The following IL21R variants were observed in gnomAD, a reference collection of about 807,000 sequenced individuals.
IL21R encodes the protein interleukin-21 receptor.
Under a neutral mutation model 41.3 loss-of-function variants are expected in IL21R, and 14 were observed. The ratio of observed to expected loss-of-function variants is 0.34; its 90% confidence interval spans 0.22 to 0.53. IL21R has a LOEUF of 0.53. IL21R is among the 20% of genes least tolerant of loss of function. The probability of loss-of-function intolerance (pLI) is 0.94; values close to 1 mark genes in which losing one functional copy is unlikely to be tolerated. For synonymous variants in IL21R, 286 were observed against 287.6 expected, an observed-to-expected ratio of 0.99 and a Z score of 0.05; for missense variants, 588 against 681.6, an observed-to-expected ratio of 0.86 and a Z score of 1.53.
chr16:27,442,858 T>C, intron 4 of IL21R, 104 bp from the exon 5 acceptor site: 1 of 1,085,826 alleles, frequency 9.2e-7, no homozygotes, highest in Non-Finnish European at 1.3e-6. Flanking sequence ...GGGTCAGGCA[T>C]GGAGGCAGGG....
chr16:27,404,018 C>T (rs2086701894), intron 1 of IL21R, among the ~76,000 whole-genome samples: 1 of 152,182 alleles, frequency 6.6e-6, no homozygotes, highest in Non-Finnish European at 1.5e-5. Flanking sequence ...TAGGACAAGG[C>T]CACCACCTGC....
In IL21R at chr16:27,449,874, C is replaced by T. The variant is rs116214834; in HGVS notation, c.*591C>T. 4.3e-3 allele frequency: 1,007 copies of T among 233,144 alleles called. 14 individuals are homozygous for T. The highest frequency in any genetic ancestry group is 0.021 in the African/African-American group (967 of 45,422). The allele number at this position is 233,144 out of a possible 1,614,324, so 14.4% of individuals were successfully genotyped here. A position where few individuals can be genotyped will look rare whatever the true frequency, so the allele number is the denominator to read the frequency against. On this transcript the variant is annotated 3_prime_UTR_variant, in exon 9 of 9. Coordinates refer to ENST00000337929, the MANE Select transcript of IL21R (RefSeq NM_181078.3). ...ACCTCGGGAATGGCAATTTTTTGGGCGGCCCCTGGACGAAGGTCTGAATCC... is the reference window on the plus strand; with the variant it reads ...ACCTCGGGAATGGCAATTTTTTGGGTGGCCCCTGGACGAAGGTCTGAATCC...
At chr16:27,430,005 G>A (rs1337748656) in intron 1 of IL21R, 51 bp from the exon 2 acceptor site, 34 of 1,504,288 alleles carry the variant, frequency 2.3e-5, no homozygotes, top group Middle Eastern at 1.7e-4. Flanking sequence ...GGGGGAGGCC[G>A]GGGGAGCCCT....
At chr16:27,432,269 C>G (rs2087187373) in intron 2 of IL21R, among the ~76,000 whole-genome samples, 1 of 152,228 alleles carries the variant, frequency 6.6e-6, no homozygotes, top group Non-Finnish European at 1.5e-5. Context: ...ATCTCAACAC[C>G]TCAACAGCCT....
chr16:27,428,812 G>A (rs2087120074), intron 1 of IL21R, among the ~76,000 whole-genome samples: 1 of 152,204 alleles, frequency 6.6e-6, no homozygotes, highest in African/African-American at 2.4e-5. Flanking sequence ...CTCCCGAGTG[G>A]GCTAATCTGG....
chr16:27,419,708 G>T (rs765942206), intron 1 of IL21R, among the ~76,000 whole-genome samples: 1 of 152,012 alleles, frequency 6.6e-6, no homozygotes, highest in Non-Finnish European at 1.5e-5. Flanking sequence ...GATTACAGGC[G>T]TAAGCCACTG....
chr16:27,442,647 C>G (rs2087410142), intron 4 of IL21R: 1 of 183,002 alleles, frequency 5.5e-6, no homozygotes, highest in Admixed American at 6.2e-5. Flanking sequence ...CAGGCATGAG[C>G]CACTGCACCC....
At chr16:27,410,684 A>G (rs1567355595) in intron 1 of IL21R, among the ~76,000 whole-genome samples, 1 of 152,216 alleles carries the variant, frequency 6.6e-6, no homozygotes, top group Non-Finnish European at 1.5e-5. Flanking sequence ...ATTAACCAGT[A>G]GATCTTTTTT....
At chr16:27,410,619 A>T (rs1466625619) in intron 1 of IL21R, among the ~76,000 whole-genome samples, 2 of 152,152 alleles carry the variant, frequency 1.3e-5, no homozygotes, top group African/African-American at 4.8e-5. Context: ...TCCTTTGCTA[A>T]TCTAACAAGA....
intron 4 of IL21R, among the ~76,000 whole-genome samples, chr16:27,439,854 C>T (rs945446490): frequency 6.6e-6 from 1 of 152,094 alleles, no homozygotes; most frequent in Non-Finnish European, 1.5e-5. Context: ...CCCTGGGCCT[C>T]GCTGGGCTGA....
Position 27,450,165 on chromosome 16 carries a change from G to A in IL21R, c.*882G>A, listed in dbSNP as rs1596602295. The A allele has an allele frequency of 8.6e-6, 2 of 233,008 alleles. No individual in the cohort carries two copies. The highest frequency in any genetic ancestry group is 1.7e-5 in the Non-Finnish European group (2 of 117,872). The allele number at this position is 233,008 out of a possible 1,614,324, so 14.4% of individuals were successfully genotyped here. A position where few individuals can be genotyped will look rare whatever the true frequency, so the allele number is the denominator to read the frequency against. ...CGCGGGGCCGTCCCGCCTGCAGAGGGCCACTCGGGGGGGTTTCCAGGCTTA... is the reference window on the plus strand; with the variant it reads ...CGCGGGGCCGTCCCGCCTGCAGAGGACCACTCGGGGGGGTTTCCAGGCTTA... On this transcript the variant is annotated 3_prime_UTR_variant, in exon 9 of 9. Transcript: ENST00000337929.
At chr16:27,444,979 A>T (rs2087453050) in intron 6 of IL21R, among the ~76,000 whole-genome samples, 198 bp from the exon 7 acceptor site, 1 of 152,232 alleles carries the variant, frequency 6.6e-6, no homozygotes, top group South Asian at 2.1e-4. Context: ...ACTTAGGCTC[A>T]GAGAAATGAA....
At chr16:27,437,411 T>TGGCCCTGAGCACTG in intron 3 of IL21R, 77 bp from the exon 4 acceptor site, 1 of 1,201,074 alleles carries the variant, frequency 8.3e-7, no homozygotes, top group Non-Finnish European at 1.2e-6. Context: ...GCTTCTGCCC[T>TGGCCCTGAGCACTG]GGCCCTGAGC....
chr16:27,431,352 C>T (rs572629255), intron 2 of IL21R, among the ~76,000 whole-genome samples: 52 of 152,268 alleles, frequency 3.4e-4, no homozygotes, highest in Non-Finnish European at 6.0e-4. Flanking sequence ...AAGCTCGGAG[C>T]GTCATCCCAT....
At chr16:27,440,248 T>TATATATATATATATATAG (rs1352160946) in intron 4 of IL21R, among the ~76,000 whole-genome samples, 52 of 64,040 alleles carry the variant, frequency 8.1e-4, no homozygotes, top group Non-Finnish European at 1.1e-3. Context: ...TATATATATA[T>TATATATATATATATATAG]AGAGAGAGAG....
Position 27,403,121 on chromosome 16 carries a change from G to T in IL21R, c.-17+503G>T, listed in dbSNP as rs570879154. On this transcript the variant is annotated intron_variant, in intron 1 of 8. Transcript: ENST00000337929. ...GCGAGAGGTAGAGTGATTTTCCCTCGGTGACTCAACTGGGACGTAGCAGGT... is the reference window on the plus strand; with the variant it reads ...GCGAGAGGTAGAGTGATTTTCCCTCTGTGACTCAACTGGGACGTAGCAGGT... 31 of 773,882 alleles carry T rather than the reference G, an allele frequency of 4.0e-5. No individual in the cohort carries two copies. In the South Asian group the frequency reaches 4.4e-4, roughly 11 times the overall value. The allele number at this position is 773,882 out of a possible 1,614,324, so 47.9% of individuals were successfully genotyped here.
chr16:27,421,744 G>GT (rs1183133972), intron 1 of IL21R, among the ~76,000 whole-genome samples: 6 of 152,020 alleles, frequency 3.9e-5, no homozygotes, highest in Non-Finnish European at 8.8e-5. Flanking sequence ...GCTCTAATTG[G>GT]TTTTTGTTCG....
At chr16:27,434,803 T>C (rs1239925488) in intron 3 of IL21R, among the ~76,000 whole-genome samples, 1 of 152,058 alleles carries the variant, frequency 6.6e-6, no homozygotes, top group Non-Finnish European at 1.5e-5. Context: ...GACATTGAGG[T>C]TCAGAGAGGT....
intron 1 of IL21R, among the ~76,000 whole-genome samples, chr16:27,409,557 A>AG (rs1434515253): frequency 6.6e-6 from 1 of 152,108 alleles, no homozygotes; most frequent in Non-Finnish European, 1.5e-5. Context: ...GGTGTAAGGT[A>AG]GGGGTCAAGG....
Sources: allele counts gnomAD v4.1 joint callset (sites outside exome capture counted in the v4.1 genomes callset), GRCh38; gene constraint gnomAD v4.1.1; transcripts MANE v1.5; gene names NCBI Gene and HGNC (gene_info 2026-07-23, HGNC 2026-07-21).